SOX6: variants seen among roughly 807,000 people sequenced by gnomAD.
SOX6 encodes the protein transcription factor SOX-6.
Under a neutral mutation model 97.8 loss-of-function variants are expected in SOX6, and 11 were observed. The ratio of observed to expected loss-of-function variants is 0.11; its 90% CI spans 0.07 to 0.19. SOX6 has a LOEUF of 0.19. SOX6 is among the 10% of genes least tolerant of loss of function. SOX6 has a pLI of 1.00. For missense variants in SOX6, 810 were observed against 1,039.5 expected, an observed-to-expected ratio of 0.78 and a Z score of 3.04; for synonymous variants, 360 against 371.4, an observed-to-expected ratio of 0.97 and a Z score of 0.35.
intron 4 of SOX6, among the ~76,000 whole-genome samples, chr11:16,208,444 G>C (rs947347431): frequency 1.3e-5 from 2 of 152,268 alleles, no homozygotes; most frequent in South Asian, 2.1e-4. Flanking sequence ...TGGCGCTTTC[G>C]CACAAATTAA....
At chr11:16,218,118 G>T (rs903581220) in intron 4 of SOX6, among the ~76,000 whole-genome samples, 2 of 151,880 alleles carry the variant, frequency 1.3e-5, no homozygotes, top group Non-Finnish European at 2.9e-5. Context: ...TTTAACCCCC[G>T]CAAATTAAAT....
chr11:16,690,189 G>A (rs923810663), intron 3 of SOX6, among the ~76,000 whole-genome samples: 1 of 152,116 alleles, frequency 6.6e-6, no homozygotes, highest in Non-Finnish European at 1.5e-5. Flanking sequence ...CCTGAGCCAA[G>A]GTGTGAGCCA....
intron 4 of SOX6, among the ~76,000 whole-genome samples, chr11:16,529,853 G>A (rs1861215315): frequency 6.6e-6 from 1 of 151,944 alleles, no homozygotes; most frequent in African/African-American, 2.4e-5. Context: ...AATGCAGTAT[G>A]TGTCTGTGCA....
At chr11:16,298,568 G>T (rs769095836) in intron 3 of SOX6, among the ~76,000 whole-genome samples, 1 of 152,020 alleles carries the variant, frequency 6.6e-6, no homozygotes, top group African/African-American at 2.4e-5. Context: ...TCTGGTCATA[G>T]AAACTAAGGA....
intron 2 of SOX6, among the ~76,000 whole-genome samples, chr11:16,715,293 T>G (rs1006346090): frequency 1.3e-5 from 2 of 152,370 alleles, no homozygotes; most frequent in African/African-American, 4.8e-5. Context: ...TTTTGATATG[T>G]TGGGTTACAT....
At chr11:16,003,244 T>A (rs1428368173) in intron 13 of SOX6, among the ~76,000 whole-genome samples, 1 of 152,030 alleles carries the variant, frequency 6.6e-6, no homozygotes, top group African/African-American at 2.4e-5. Flanking sequence ...AACACTGAAC[T>A]ATTTCCAGTT....
chr11:16,179,063 C>T (rs186915294), intron 6 of SOX6, among the ~76,000 whole-genome samples: 2 of 151,912 alleles, frequency 1.3e-5, no homozygotes, highest in Admixed American at 1.3e-4. Context: ...ATGTACAAAG[C>T]AATTATTTCT....
intron 9 of SOX6, among the ~76,000 whole-genome samples, chr11:16,057,464 T>C (rs1847846149): frequency 6.6e-6 from 1 of 152,134 alleles, no homozygotes; most frequent in African/African-American, 2.4e-5. Flanking sequence ...CCAACGTAAT[T>C]GAATATATCA....
intron 6 of SOX6, among the ~76,000 whole-genome samples, chr11:16,133,984 T>C (rs1849889301): frequency 6.6e-6 from 1 of 152,184 alleles, no homozygotes; most frequent in Admixed American, 6.5e-5. Context: ...CACGCCCAAC[T>C]ATTATACAGT....
At chr11:16,656,568 G>A (rs908700529) in intron 3 of SOX6, among the ~76,000 whole-genome samples, 1 of 152,012 alleles carries the variant, frequency 6.6e-6, no homozygotes, top group Non-Finnish European at 1.5e-5. Flanking sequence ...ATACTATAAT[G>A]TTCATGGCAT....
At chr11:16,611,346 T>G (rs940645331) in intron 4 of SOX6, among the ~76,000 whole-genome samples, 1 of 152,234 alleles carries the variant, frequency 6.6e-6, no homozygotes, top group Non-Finnish European at 1.5e-5. Context: ...CAGACCTACA[T>G]GATTTCATAT....
intron 4 of SOX6, among the ~76,000 whole-genome samples, chr11:16,554,176 A>G (rs972632576): frequency 6.6e-6 from 1 of 152,124 alleles, no homozygotes; most frequent in African/African-American, 2.4e-5. Flanking sequence ...AAATGAGCAG[A>G]AGGAAAAATT....
chr11:16,406,599 C>T (rs1590191316), intron 1 of SOX6, among the ~76,000 whole-genome samples: 1 of 152,084 alleles, frequency 6.6e-6, no homozygotes, highest in African/African-American at 2.4e-5. Flanking sequence ...ACCTGTGTCA[C>T]ATAAGCTAAC....
intron 2 of SOX6, among the ~76,000 whole-genome samples, chr11:16,337,050 G>T (rs1856484046): frequency 6.6e-6 from 1 of 152,044 alleles, no homozygotes; most frequent in Non-Finnish European, 1.5e-5. Flanking sequence ...TTTATTGTCT[G>T]CCATACTACT....
At chr11:16,599,654 A>AT (rs916638785) in intron 4 of SOX6, among the ~76,000 whole-genome samples, 2 of 152,152 alleles carry the variant, frequency 1.3e-5, no homozygotes, top group African/African-American at 2.4e-5. Flanking sequence ...TTAAAAAAGG[A>AT]TTTTTTTCCA....
chr11:16,011,753 G>A (rs181131895), intron 13 of SOX6, among the ~76,000 whole-genome samples: 1 of 152,024 alleles, frequency 6.6e-6, no homozygotes, highest in East Asian at 1.9e-4. Context: ...GGTAGACATG[G>A]GGGGAGGGCA....
chr11:16,047,028 C>T (rs1459193543), intron 11 of SOX6, among the ~76,000 whole-genome samples: 1 of 152,072 alleles, frequency 6.6e-6, no homozygotes, highest in East Asian at 1.9e-4. Context: ...ACAACTGGTG[C>T]ACAATGTTGC....
chr11:16,620,967 A>G (rs1172422296), intron 3 of SOX6, among the ~76,000 whole-genome samples: 1 of 152,100 alleles, frequency 6.6e-6, no homozygotes, highest in Non-Finnish European at 1.5e-5. Context: ...TAAAAATACT[A>G]TTTCCCTTTT....
At chr11:16,034,962 C>G (rs572357931) in intron 12 of SOX6, among the ~76,000 whole-genome samples, 1 of 152,248 alleles carries the variant, frequency 6.6e-6, no homozygotes, top group African/African-American at 2.4e-5. Flanking sequence ...TCTATAGATA[C>G]AAACAGACCT....
Sources: gnomAD v4.1 joint callset for allele counts (sites outside exome capture counted in the v4.1 genomes callset) on GRCh38, gnomAD v4.1.1 for gene constraint, MANE v1.5 for transcripts, NCBI Gene and HGNC (gene_info 2026-07-23, HGNC 2026-07-21) for gene names.